The following DNAH8 variants were observed in gnomAD, a reference collection of about 807,000 sequenced individuals.
The protein encoded by DNAH8 is axonemal beta dynein heavy chain 8.
A neutral mutation model predicts 562.1 loss-of-function variants in DNAH8; 382 were observed. The ratio of observed to expected loss-of-function variants is 0.68; its 90% CI spans 0.63 to 0.74. The LOEUF is 0.74. Among genes scored for constraint, DNAH8 ranks in the 30% least tolerant of loss-of-function variants. The pLI, the probability that DNAH8 is intolerant of heterozygous loss-of-function variation, is 0.00. For synonymous variants in DNAH8, 1,881 were observed against 1,919.4 expected (o/e 0.98, Z 0.52); for missense variants, 5,203 against 5,620.4 (o/e 0.93, Z 2.37).
rs1042357580 is a variant in DNAH8 at position 38,863,334 on chromosome 6, C to CTAG, written c.6311-538_6311-536dup. Among the ~76,000 whole-genome samples the CTAG allele has an allele frequency of 7.8e-5, 7 of 90,016 alleles. No individual in the cohort carries two copies. The South Asian group carries it at 1.4e-3, about 18-fold the overall frequency. The allele number at this position is 90,016 out of a possible 152,430, so 59.1% of individuals were successfully genotyped here. A position where few individuals can be genotyped will look rare whatever the true frequency, so the allele number is the denominator to read the frequency against. On this transcript the variant is annotated intron_variant, in intron 44 of 92. Transcript: ENST00000327475. ...AGTCCCAGCTACTCAGGAGGCTGAG[C>CTAG]TAGAATTGCTTGAACCCGGGAGGCG...
chr6:38,820,188 C>A (rs769333006), intron 26 of DNAH8, among the ~76,000 whole-genome samples: 1 of 152,126 alleles, frequency 6.6e-6, no homozygotes, highest in Non-Finnish European at 1.5e-5. Flanking sequence ...AGGAGTGTTA[C>A]AAAGCCAGGC....
chr6:38,970,479 T>A (rs1763261691), intron 82 of DNAH8, among the ~76,000 whole-genome samples: 1 of 152,210 alleles, frequency 6.6e-6, no homozygotes, highest in Non-Finnish European at 1.5e-5. Context: ...GTGAGTGCTC[T>A]TCCATCCTCC....
At chr6:39,008,249 T>C (rs1765926367) in intron 88 of DNAH8, among the ~76,000 whole-genome samples, 1 of 152,018 alleles carries the variant, frequency 6.6e-6, no homozygotes, top group South Asian at 2.1e-4. Context: ...ATTGAATAAA[T>C]GGATTTAAAG....
intron 33 of DNAH8, among the ~76,000 whole-genome samples, chr6:38,841,321 A>C (rs2150369555): frequency 6.6e-6 from 1 of 152,280 alleles, no homozygotes; most frequent in Non-Finnish European, 1.5e-5. Flanking sequence ...CGGGAGGCTG[A>C]GGCAGGGGAA....
intron 91 of DNAH8, among the ~76,000 whole-genome samples, chr6:39,020,480 A>G (rs951252712): frequency 1.3e-5 from 2 of 152,140 alleles, no homozygotes; most frequent in Non-Finnish European, 1.5e-5. Flanking sequence ...ATCTCTAGGG[A>G]TGAGCCCTCT....
chr6:38,814,673 G>A (rs1772088984), intron 25 of DNAH8, among the ~76,000 whole-genome samples: 1 of 152,118 alleles, frequency 6.6e-6, no homozygotes, highest in African/African-American at 2.4e-5. Flanking sequence ...CAGTTAGCAA[G>A]CACCCTACAA....
Position 38,737,059 on chromosome 6 carries a change from C to T in DNAH8, c.763-8C>T. The T allele has an allele frequency of 1.3e-6, 2 of 1,506,632 alleles. No homozygotes were observed. The highest frequency in any genetic ancestry group is 8.8e-7 in the Non-Finnish European group (1 of 1,134,412). 93.3% of individuals were successfully genotyped at this position (1,506,632 alleles called of 1,614,324 possible). On this transcript the variant is annotated splice_polypyrimidine_tract_variant and splice_region_variant and intron_variant, in intron 5 of 92. Transcript: ENST00000327475. ...ATGTAAAATAACATTTAAACTCCAC[C>T]CTTTCAGGAAGCGCTCTTTACTGTT...
chr6:39,000,287 T>C (rs1291743300), intron 88 of DNAH8, among the ~76,000 whole-genome samples: 3 of 152,168 alleles, frequency 2.0e-5, no homozygotes, highest in African/African-American at 7.2e-5. Flanking sequence ...ATTGCTATGA[T>C]AACACAGGTG....
At chr6:39,010,181 A>G (rs1235380652) in intron 89 of DNAH8, among the ~76,000 whole-genome samples, 11 of 152,188 alleles carry the variant, frequency 7.2e-5, no homozygotes, top group African/African-American at 2.4e-4. Flanking sequence ...ATGGATTCCT[A>G]TATGGGAAAG....
Position 38,883,921 on chromosome 6 carries a change from G to T in DNAH8, c.8182G>T (p.Gly2728Trp). The change falls in exon 56 of 93, where the codon GGG (glycine) becomes TGG (tryptophan). Residue 2728 changes from glycine to tryptophan, a missense_variant. By Grantham distance (184) the Gly-to-Trp change is radical (BLOSUM62 -2). Coordinates refer to ENST00000327475, the MANE Select transcript of DNAH8 (RefSeq NM_001206927.2). ...YVDKRIGSTY[G>W]PPGGRKMTVF... ...GGATAAGCGAATTGGAAGCACATATGGGCCACCAGGAGGGAGAAAAATGAC... is the reference window on the plus strand; with the variant it reads ...GGATAAGCGAATTGGAAGCACATATTGGCCACCAGGAGGGAGAAAAATGAC... The T allele has an allele frequency of 6.3e-7, 1 of 1,591,846 alleles. No homozygotes were observed. Among genetic ancestry groups the T allele is most frequent in the South Asian group, 1.1e-5 (1 of 87,584 alleles).
At chr6:38,862,061 G>A (rs1461525075) in intron 43 of DNAH8, among the ~76,000 whole-genome samples, 1 of 150,888 alleles carries the variant, frequency 6.6e-6, no homozygotes, top group Non-Finnish European at 1.5e-5. Flanking sequence ...TTAAGTCAGG[G>A]TTGAGGAGTT....
At position 39,009,038 on chromosome 6, in the gene DNAH8, C is replaced by G. The variant is rs561579933; in HGVS notation, c.13371+68C>G. On this transcript the variant is annotated intron_variant, in intron 89 of 92. Transcript: ENST00000327475. ...ATATTTAAACAGTAAGTTTGATTAC[C>G]TTGAAAAGCAAGAAATCTACCTGTT... 57 of 1,183,620 alleles carry G rather than the reference C, an allele frequency of 4.8e-5. No individual in the cohort carries two copies. In the East Asian group the frequency reaches 1.3e-3, roughly 28 times the overall value. The allele number at this position is 1,183,620 out of a possible 1,614,324, so 73.3% of individuals were successfully genotyped here.
intron 1 of DNAH8, among the ~76,000 whole-genome samples, chr6:38,722,526 G>A (rs1056658241): frequency 1.3e-5 from 2 of 151,808 alleles, no homozygotes; most frequent in African/African-American, 4.8e-5. Flanking sequence ...GTCCCCTAGA[G>A]CCATAACATA....
intron 18 of DNAH8, among the ~76,000 whole-genome samples, chr6:38,787,695 C>CAA (rs67293877): frequency 2.2e-3 from 175 of 79,294 alleles, no homozygotes; most frequent in Non-Finnish European, 2.5e-3. Flanking sequence ...GACTCCATCT[C>CAA]AAAAAAAAAA....
At chr6:38,985,516 A>G (rs1412264) in intron 87 of DNAH8, among the ~76,000 whole-genome samples, 22,338 of 152,156 alleles carry the variant, frequency 0.15, 2,181 homozygotes, top group East Asian at 0.51. Flanking sequence ...TTGAAGCTAC[A>G]TATGGAGAAC....
At chr6:38,738,000 G>A in intron 7 of DNAH8, 28 bp downstream of exon 7, 1 of 1,602,240 alleles carries the variant, frequency 6.2e-7, no homozygotes, top group Non-Finnish European at 8.5e-7. Flanking sequence ...ATTGCATCTG[G>A]ACTAGTAGTT....
chr6:38,782,933 G>A (rs1373598477), intron 16 of DNAH8, 71 bp from the exon 17 acceptor site: 1 of 1,357,944 alleles, frequency 7.4e-7, no homozygotes, highest in Non-Finnish European at 1.0e-6. Context: ...TTACATATAA[G>A]TACTTTCATT....
At chr6:38,784,997 C>T (rs1055035293) in intron 17 of DNAH8, among the ~76,000 whole-genome samples, 1 of 152,164 alleles carries the variant, frequency 6.6e-6, no homozygotes, top group African/African-American at 2.4e-5. Context: ...AGAGTTTGTT[C>T]CCCTTGAGAA....
intron 91 of DNAH8, among the ~76,000 whole-genome samples, chr6:39,022,514 C>T (rs1419148001): frequency 6.6e-6 from 1 of 152,198 alleles, no homozygotes; most frequent in Non-Finnish European, 1.5e-5. Flanking sequence ...GAGGCAACAC[C>T]CTGTCTGCTA....
Sources: allele counts gnomAD v4.1 joint callset (sites outside exome capture counted in the v4.1 genomes callset), GRCh38; gene constraint gnomAD v4.1.1; transcripts MANE v1.5; gene names NCBI Gene and HGNC (gene_info 2026-07-23, HGNC 2026-07-21).